ARVCF: variants seen among roughly 807,000 people sequenced by gnomAD.
ARVCF encodes the protein splicing regulator ARVCF.
ARVCF carries 66 observed loss-of-function variants against 90.9 expected under a neutral mutation model. The observed-to-expected ratio is 0.73, with a 90% CI of 0.60 to 0.89. ARVCF has a LOEUF of 0.89. Ranked by LOEUF, ARVCF falls within the 40% of genes least tolerant of loss-of-function variation. The probability of loss-of-function intolerance (pLI) is 0.00; values close to 1 mark genes in which losing one functional copy is unlikely to be tolerated. For missense variants in ARVCF, 1,469 were observed against 1,382.3 expected (o/e 1.06, Z -1.00); for synonymous variants, 653 against 603.4 (o/e 1.08, Z -1.21).
chr22:19,993,624 A>G (rs1286078643), intron 2 of ARVCF, among the ~76,000 whole-genome samples: 4 of 152,184 alleles, frequency 2.6e-5, no homozygotes, highest in Non-Finnish European at 5.9e-5. Context: ...CCCCCCACCC[A>G]AAACACAGCA....
chr22:20,000,644 G>A (rs4819852), intron 2 of ARVCF, among the ~76,000 whole-genome samples: 33,636 of 152,204 alleles, frequency 0.22, 4,488 homozygotes, highest in South Asian at 0.33. Context: ...ACACTGCTAC[G>A]GTGTGAATGC....
rs1027862542 is a variant in ARVCF at position 19,970,661 on chromosome 22, C to A, written c.*95G>T. 3.9e-6 allele frequency: 5 copies of A among 1,285,496 alleles called. No individual in the cohort carries two copies. The highest frequency in any genetic ancestry group is 3.0e-5 in the African/African-American group (2 of 65,678). 79.6% of individuals were successfully genotyped at this position (1,285,496 alleles called of 1,614,324 possible). ...GCTGCCAACCCCTGCCGCCAGGGGG[C>A]TCCAAGCTCCACGGCACGATCTGCT... On this transcript the variant is annotated 3_prime_UTR_variant, in exon 20 of 20. Coordinates refer to ENST00000263207, the MANE Select transcript of ARVCF (RefSeq NM_001670.3).
chr22:20,010,789 T>G (rs565203879), intron 1 of ARVCF, among the ~76,000 whole-genome samples: 2 of 152,340 alleles, frequency 1.3e-5, no homozygotes, highest in South Asian at 4.1e-4. Flanking sequence ...AGATGTGGAC[T>G]GATAATGACG....
At chr22:19,991,421 T>A (rs563584066) in intron 2 of ARVCF, among the ~76,000 whole-genome samples, 3 of 152,202 alleles carry the variant, frequency 2.0e-5, no homozygotes, top group Admixed American at 1.3e-4. Context: ...CATATCCACA[T>A]TGGCCAGAAA....
downstream of ARVCF, chr22:19,965,610 G>A (rs1055580337): frequency 1.3e-5 from 2 of 152,238 alleles, no homozygotes; most frequent in Admixed American, 6.5e-5. Flanking sequence ...AAAGTGCTGG[G>A]ATTACAGGCG....
At position 20,005,693 on chromosome 22, in the gene ARVCF, G is replaced by A. The variant is rs556639880; in HGVS notation, c.-19+4762C>T. 2.6e-3 allele frequency among the ~76,000 whole-genome samples: 399 copies of A among 151,960 alleles called. 3 individuals carry two copies. The highest frequency in any genetic ancestry group is 4.7e-3 in the Non-Finnish European group (320 of 67,972). ...AAATTAGCCGGGCGTGGTGACAGGCGCCTGTAGTCCCAGCTACTTGTGAAC... is the reference window on the plus strand; with the variant it reads ...AAATTAGCCGGGCGTGGTGACAGGCACCTGTAGTCCCAGCTACTTGTGAAC... On this transcript the variant is annotated intron_variant, in intron 2 of 19. Coordinates refer to ENST00000263207, the MANE Select transcript of ARVCF (RefSeq NM_001670.3).
At chr22:19,974,710 G>A (rs1943052763) in intron 11 of ARVCF, among the ~76,000 whole-genome samples, 1 of 151,886 alleles carries the variant, frequency 6.6e-6, no homozygotes, top group Admixed American at 6.6e-5. Flanking sequence ...GCTGTGCAGA[G>A]AGCTACGCCC....
chr22:19,973,070 C>CA, intron 14 of ARVCF, 34 bp from the exon 15 acceptor site: 1 of 1,607,324 alleles, frequency 6.2e-7, no homozygotes, highest in Non-Finnish European at 8.5e-7. Context: ...GTGGTGGCCC[C>CA]TCCCCCACCT....
At chr22:20,005,951 T>A (rs889269460) in intron 2 of ARVCF, among the ~76,000 whole-genome samples, 1 of 152,206 alleles carries the variant, frequency 6.6e-6, no homozygotes, top group Non-Finnish European at 1.5e-5. Context: ...AGATATACAA[T>A]GGAATATCAG....
At chr22:19,988,004 T>A (rs1943883920) in intron 3 of ARVCF, among the ~76,000 whole-genome samples, 1 of 152,166 alleles carries the variant, frequency 6.6e-6, no homozygotes, top group South Asian at 2.1e-4. Context: ...GGCTCCAGCA[T>A]CACGAACAGG....
Position 19,982,644 on chromosome 22 carries a change from C to T in ARVCF, c.211-553G>A, listed in dbSNP as rs554628740. Among the ~76,000 whole-genome samples, 7 of 150,142 alleles carry T rather than the reference C, an allele frequency of 4.7e-5. No individual in the cohort carries two copies. The East Asian group carries it at 1.2e-3, about 25-fold the overall frequency. On this transcript the variant is annotated intron_variant, in intron 3 of 19. Transcript: ENST00000263207. Reference sequence around the variant, plus strand: ...ACTCCTGTGGCCACACTAAGGTTCCCGCCACCAACGCCAGCCAGACGCCCT... The same window carrying T: ...ACTCCTGTGGCCACACTAAGGTTCCTGCCACCAACGCCAGCCAGACGCCCT...
intron 3 of ARVCF, 73 bp from the exon 4 acceptor site, chr22:19,982,164 G>C: frequency 6.4e-7 from 1 of 1,567,802 alleles, no homozygotes; most frequent in Non-Finnish European, 8.6e-7. Flanking sequence ...TCCACACACA[G>C]CAGCTCTGCC....
In ARVCF at chr22:19,980,029, G is replaced by A. The variant is rs780905278; in HGVS notation, c.1110C>T (p.Pro370=). The A allele has an allele frequency of 9.4e-6, 15 of 1,589,860 alleles. No individual in the cohort carries two copies. Among genetic ancestry groups the A allele is most frequent in the South Asian group, 2.3e-5 (2 of 88,674 alleles). ...LPEVLAMLRH[P]VDPVKANAAA... is the part of the protein sequence containing the mutation. ...CCGCATTGGCCTTCACGGGGTCCAC[G>A]GGGTGCCGCAGCATGGCCAGCACCT... The change falls in exon 6 of 20, where the codon CCC becomes CCT. Residue 370 remains proline, a synonymous_variant. Coordinates refer to ENST00000263207, the MANE Select transcript of ARVCF (RefSeq NM_001670.3).
At chr22:19,975,235 C>A (rs1943084657) in intron 11 of ARVCF, among the ~76,000 whole-genome samples, 1 of 152,192 alleles carries the variant, frequency 6.6e-6, no homozygotes, top group African/African-American at 2.4e-5. Flanking sequence ...AGCCAGATCC[C>A]AGCATACAGC....
intron 2 of ARVCF, among the ~76,000 whole-genome samples, chr22:19,991,993 T>A (rs28408626): frequency 2.0e-5 from 3 of 152,108 alleles, no homozygotes; most frequent in Non-Finnish European, 2.9e-5. Context: ...GCGGGTGACA[T>A]CCCCAGAGCG....
At chr22:19,992,107 G>C (rs1944051055) in intron 2 of ARVCF, among the ~76,000 whole-genome samples, 1 of 152,226 alleles carries the variant, frequency 6.6e-6, no homozygotes, top group Non-Finnish European at 1.5e-5. Flanking sequence ...ACACGGTGCG[G>C]GGACATGGGT....
intron 3 of ARVCF, among the ~76,000 whole-genome samples, chr22:19,986,864 C>T (rs563586114): frequency 1.3e-5 from 2 of 152,302 alleles, no homozygotes; most frequent in East Asian, 1.9e-4. Flanking sequence ...CCCTGCGGCC[C>T]GCCCTGCATA....
At chr22:20,002,767 A>G (rs894980638) in intron 2 of ARVCF, among the ~76,000 whole-genome samples, 3 of 152,200 alleles carry the variant, frequency 2.0e-5, no homozygotes, top group African/African-American at 7.2e-5. Flanking sequence ...GCGCATGAAG[A>G]TTGTGTCAAG....
intron 13 of ARVCF, 96 bp from the exon 14 acceptor site, chr22:19,973,413 C>G: frequency 7.0e-7 from 1 of 1,422,352 alleles, no homozygotes; most frequent in Non-Finnish European, 9.3e-7. Flanking sequence ...GCCAGGAGAG[C>G]CCCTGGAGAC....
Sources: gnomAD v4.1 joint callset for allele counts (sites outside exome capture counted in the v4.1 genomes callset) on GRCh38, gnomAD v4.1.1 for gene constraint, MANE v1.5 for transcripts, NCBI Gene and HGNC (gene_info 2026-07-23, HGNC 2026-07-21) for gene names.